The following RPL7A variants were observed in gnomAD, a reference collection of about 807,000 sequenced individuals.
RPL7A encodes the protein ribosomal protein L7a.
For missense variants in RPL7A, 291 were observed against 338.2 expected (o/e 0.86, Z 1.09); for synonymous variants, 158 against 128.2 (o/e 1.23, Z -1.57).
intron 2 of RPL7A, 22 bp downstream of exon 2, chr9:133,349,064 G>T: frequency 6.2e-7 from 1 of 1,612,288 alleles, no homozygotes; most frequent in Non-Finnish European, 8.5e-7. Context: ...ACGGCAGAAT[G>T]AAAACGGTCT....
At chr9:133,348,767 C>T (rs2129980714) in intron 1 of RPL7A, 155 bp from the exon 2 acceptor site, 4 of 1,108,598 alleles carry the variant, frequency 3.6e-6, no homozygotes, top group South Asian at 2.6e-5. Context: ...ATGCTCCTGT[C>T]GAGGGGTGGT....
rs1836286372 is a variant in RPL7A at position 133,348,678 on chromosome 9, G to A, written c.4-244G>A. ...GTGTCTCCTGGGTGGGCGACGCGAA[G>A]AGAGCGTGGTCTCGGGCTTAGCCTT... is the stretch of plus-strand genomic sequence containing the variant. On this transcript the variant is annotated intron_variant, in intron 1 of 7. Transcript: ENST00000323345. The A allele has an allele frequency of 2.3e-5, 16 of 706,854 alleles. 1 individual carries two copies. In the South Asian group the frequency reaches 2.4e-4, roughly 11 times the overall value. 43.8% of individuals were successfully genotyped at this position (706,854 alleles called of 1,614,324 possible).
intron 2 of RPL7A, chr9:133,349,346 T>A (rs1205124304): frequency 2.3e-6 from 2 of 858,222 alleles, no homozygotes; most frequent in Admixed American, 3.4e-5. Flanking sequence ...CACCTTGGCT[T>A]CTTGTTAGAT....
intron 1 of RPL7A, chr9:133,348,632 C>CA: frequency 1.5e-6 from 1 of 647,296 alleles, no homozygotes; most frequent in South Asian, 1.6e-5. Context: ...GGCCGCGACT[C>CA]AGAGGAGTCA....
At chr9:133,349,412 G>C (rs782361515) in intron 2 of RPL7A, 139 bp from the exon 3 acceptor site, 1 of 1,083,848 alleles carries the variant, frequency 9.2e-7, no homozygotes, top group South Asian at 1.3e-5. Flanking sequence ...TGATGTAAAA[G>C]AATATTTGCT....
chr9:133,349,828 C>G (rs782102788), intron 3 of RPL7A, 84 bp from the exon 4 acceptor site: 3 of 1,575,562 alleles, frequency 1.9e-6, no homozygotes, highest in Admixed American at 3.5e-5. Context: ...ATAGCAGGAC[C>G]GCAGTCCAGC....
At chr9:133,351,218 AG>A (rs2129998650) in intron 7 of RPL7A, 43 bp from the exon 8 acceptor site, 1 of 1,592,106 alleles carries the variant, frequency 6.3e-7, no homozygotes, top group East Asian at 2.2e-5. Flanking sequence ...TGAAAATCTC[AG>A]AAAACAGTAA....
Position 133,351,044 on chromosome 9 carries a change from G to T in RPL7A, c.669G>T (p.Arg223Ser). Residue 223 changes from arginine to serine, a missense_variant, in exon 7 of 8, where the codon AGG (arginine) becomes AGT (serine). Arg to Ser is a moderately radical substitution (Grantham distance 110). Coordinates refer to ENST00000323345, the MANE Select transcript of RPL7A (RefSeq NM_000972.3). ...GALAKLVEAI[R>S]TNYNDRYDEI... ...TGGCTAAGCTGGTGGAAGCTATCAG[G>T]ACCAATTACAATGACAGATACGATG... is the stretch of plus-strand genomic sequence containing the variant. 6.2e-7 allele frequency: 1 copy of T among 1,614,098 alleles called. No homozygotes were observed. Among genetic ancestry groups the T allele is most frequent in the South Asian group, 1.1e-5 (1 of 91,060 alleles).
At chr9:133,349,880 C>T in intron 3 of RPL7A, 32 bp from the exon 4 acceptor site, 1 of 1,608,764 alleles carries the variant, frequency 6.2e-7, no homozygotes, top group Non-Finnish European at 8.5e-7. Flanking sequence ...AGAACCTTGA[C>T]TCCAAGCCTA....
In RPL7A at chr9:133,349,618, G is replaced by A; in HGVS notation, c.192G>A (p.Gln64=). 1 of 1,614,090 alleles carries A rather than the reference G, an allele frequency of 6.2e-7. No individual in the cohort carries two copies. The highest frequency in any genetic ancestry group is 8.5e-7 in the Non-Finnish European group (1 of 1,180,038). The change falls in exon 3 of 8, where the codon CAG becomes CAA. Residue 64 remains glutamine, a synonymous_variant. Coordinates refer to ENST00000323345, the MANE Select transcript of RPL7A (RefSeq NM_000972.3). ...AATGGCCCCGCTATATCAGGTTGCA[G>A]CGGCAGAGAGCCATCCTCTATAAGC... ...FVKWPRYIRL[Q]RQRAILYKRL...
intron 1 of RPL7A, chr9:133,348,474 CGGTGTCGCAGGGCTG>C (rs1383779279): frequency 1.3e-5 from 8 of 633,094 alleles, no homozygotes; most frequent in Non-Finnish European, 2.2e-5. Flanking sequence ...GCGTTGTTCC[CGGTGTCGCAGGGCTG>C]GGTGTCGCAG....
rs145520246 is a variant in RPL7A at position 133,349,337 on chromosome 9, A to G, written c.125-214A>G. The G allele has an allele frequency of 1.2e-3, 994 of 831,994 alleles. 12 individuals carry two copies. The African/African-American group carries it at 0.015, about 13-fold the overall frequency. The allele number at this position is 831,994 out of a possible 1,614,324, so 51.5% of individuals were successfully genotyped here. A position where few individuals can be genotyped will look rare whatever the true frequency, so the allele number is the denominator to read the frequency against. On this transcript the variant is annotated intron_variant, in intron 2 of 7. Coordinates refer to ENST00000323345, the MANE Select transcript of RPL7A (RefSeq NM_000972.3). The stretch of plus-strand genomic sequence containing the variant: ...CTGCAATTCTGCTGTACTTCGTGGC[A>G]CCTTGGCTTCTTGTTAGATGAGGAA...
rs781975610 is a variant in RPL7A, at chr9:133,350,590, C to T, written c.496-7C>T. 4 of 1,614,004 alleles carry T rather than the reference C, an allele frequency of 2.5e-6. No homozygotes were observed. Among genetic ancestry groups the T allele is most frequent in the Non-Finnish European group, 3.4e-6 (4 of 1,179,876 alleles). On this transcript the variant is annotated splice_polypyrimidine_tract_variant and splice_region_variant and intron_variant, in intron 5 of 7. Coordinates refer to ENST00000323345, the MANE Select transcript of RPL7A (RefSeq NM_000972.3). ...AAATACAGTCTTCAGCTAATGCTTT[C>T]TTCCAGCTGGTTGTCTTCTTGCCTG...
chr9:133,350,776 T>A (rs2129996059), intron 6 of RPL7A, 49 bp downstream of exon 6: 2 of 1,606,616 alleles, frequency 1.2e-6, no homozygotes, highest in South Asian at 2.2e-5. Context: ...ATTTAATCCA[T>A]GCCTCACAGT....
Position 133,350,050 on chromosome 9 carries a change from C to T in RPL7A, c.413C>T (p.Ala138Val), listed in dbSNP as rs1836346457. 3.7e-6 allele frequency: 6 copies of T among 1,613,898 alleles called. No individual in the cohort carries two copies. The highest frequency in any genetic ancestry group is 1.1e-5 in the South Asian group (1 of 91,076). The change falls in exon 4 of 8, where the codon GCA (alanine) becomes GTA (valine). Residue 138 changes from alanine to valine, a missense_variant and splice_region_variant. Ala to Val is a moderately conservative substitution (Grantham distance 64). Coordinates refer to ENST00000323345, the MANE Select transcript of RPL7A (RefSeq NM_000972.3). ...VPTKRPPVLR[A>V]GVNTVTTLVE... is the part of the protein sequence containing the mutation. ...ACGAAGAGACCACCTGTCCTTCGAG[C>T]AGGTGAGTAGGCCCCACCTTAGGGT...
Position 133,351,316 on chromosome 9 carries a change from G to A in RPL7A, c.751G>A (p.Ala251Thr), listed in dbSNP as rs2129999316. 10 of 1,613,618 alleles carry A rather than the reference G, an allele frequency of 6.2e-6. No homozygotes were observed. The highest frequency in any genetic ancestry group is 4.5e-5 in the East Asian group (2 of 44,896). ...VLGPKSVARI[A>T]KLEKAKAKEL... ...GGGTCCTAAGTCTGTGGCTCGTATCGCCAAGCTCGAAAAGGCAAAGGCTAA... is the reference window on the plus strand; with the variant it reads ...GGGTCCTAAGTCTGTGGCTCGTATCACCAAGCTCGAAAAGGCAAAGGCTAA... The change falls in exon 8 of 8, where the codon GCC becomes ACC. Residue 251 changes from alanine to threonine, a missense_variant. Transcript: ENST00000323345.
chr9:133,349,018 A>G lies in RPL7A; in HGVS notation c.100A>G (p.Lys34Glu). The G allele has an allele frequency of 1.9e-6, 3 of 1,614,006 alleles. No homozygotes were observed. The highest frequency in any genetic ancestry group is 2.5e-6 in the Non-Finnish European group (3 of 1,179,980). The change falls in exon 2 of 8, where the codon AAA becomes GAA. Residue 34 changes from lysine (K) to glutamate (E), a missense_variant. Lys to Glu is a moderately conservative substitution (Grantham distance 56). Transcript: ENST00000323345. ...AKKVVNPLFE[K>E]RPKNFGIGQD... is the part of the protein sequence containing the mutation. ...GAAAGTGGTGAATCCCCTGTTTGAGAAAAGGCCTAAGAATTTTGGCATTGG... is the reference window on the plus strand; with the variant it reads ...GAAAGTGGTGAATCCCCTGTTTGAGGAAAGGCCTAAGAATTTTGGCATTGG...
chr9:133,350,853 T>A, intron 6 of RPL7A, 126 bp downstream of exon 6: 1 of 1,541,320 alleles, frequency 6.5e-7, no homozygotes, highest in South Asian at 1.1e-5. Flanking sequence ...CTTTTGCCAA[T>A]GATGGTTAAG....
chr9:133,348,823 T>A, intron 1 of RPL7A, 99 bp from the exon 2 acceptor site: 1 of 1,585,008 alleles, frequency 6.3e-7, no homozygotes, highest in Non-Finnish European at 8.7e-7. Context: ...TTCAGGCAGG[T>A]GCTGTCAGCG....
Sources: gnomAD v4.1 joint callset for allele counts on GRCh38, gnomAD v4.1.1 for gene constraint, MANE v1.5 for transcripts, NCBI Gene and HGNC (gene_info 2026-07-23, HGNC 2026-07-21) for gene names.